Variants in MICAL2 observed in about 807,000 individuals in gnomAD.
MICAL2 encodes the protein microtubule associated monooxygenase, calponin and LIM domain containing 2.
MICAL2 carries 77 observed loss-of-function variants against 127.3 expected under a neutral mutation model. The ratio of observed to expected loss-of-function variants is 0.60; its 90% CI spans 0.50 to 0.73. The LOEUF (loss-of-function observed/expected upper bound fraction) is 0.73. Among genes scored for constraint, MICAL2 ranks in the 30% least tolerant of loss-of-function variants. The pLI, the probability that MICAL2 is intolerant of heterozygous loss-of-function variation, is 0.00. For missense variants in MICAL2, 1,351 were observed against 1,434.4 expected (o/e 0.94, Z 0.94); for synonymous variants, 570 against 551.1 (o/e 1.03, Z -0.48).
upstream of MICAL2, among the ~76,000 whole-genome samples, chr11:12,273,665 AG>A (rs1863696001): frequency 6.6e-6 from 1 of 152,010 alleles, no homozygotes; most frequent in South Asian, 2.1e-4. Flanking sequence ...TGTATCTCCC[AG>A]AGAGAACACA....
chr11:12,261,474 T>C, intron 26 of MICAL2: 1 of 985,522 alleles, frequency 1.0e-6, no homozygotes, highest in Non-Finnish European at 1.2e-6. Context: ...CCACGCTGCC[T>C]AGACATACAC....
chr11:12,270,612 T>C (rs1220368183), intron 24 of MICAL2, among the ~76,000 whole-genome samples: 5 of 152,242 alleles, frequency 3.3e-5, no homozygotes, highest in Non-Finnish European at 7.3e-5. Context: ...GTTCATTTCC[T>C]GTCTGGATGC....
chr11:12,260,174 A>G (rs1038986577), intron 26 of MICAL2: 198 of 1,499,410 alleles, frequency 1.3e-4, no homozygotes, highest in Non-Finnish European at 1.7e-4. Flanking sequence ...CTCCGCTGAC[A>G]TGGCTGGCTG....
intron 5 of MICAL2, 127 bp downstream of exon 5, chr11:12,208,266 G>C (rs1854982543): frequency 2.9e-6 from 2 of 690,280 alleles, no homozygotes; most frequent in East Asian, 5.4e-5. Flanking sequence ...TAATGCCACT[G>C]AAGGGTATTT....
chr11:12,187,527 G>A (rs1858463017), intron 3 of MICAL2, among the ~76,000 whole-genome samples: 1 of 152,160 alleles, frequency 6.6e-6, no homozygotes, highest in Non-Finnish European at 1.5e-5. Flanking sequence ...TTACCACAAG[G>A]ATATGTCACT....
intron 30 of MICAL2, among the ~76,000 whole-genome samples, chr11:12,322,799 T>C (rs558898172): frequency 2.0e-4 from 31 of 152,330 alleles, no homozygotes; most frequent in Non-Finnish European, 3.8e-4. Context: ...TAATTTAAAA[T>C]ATAATAATAT....
rs1565163574 is a variant in MICAL2, at chr11:12,208,019, A to G, written c.473-4A>G. 2 of 1,610,860 alleles carry G rather than the reference A, an allele frequency of 1.2e-6. No homozygotes were observed. Among genetic ancestry groups the G allele is most frequent in the Non-Finnish European group, 1.7e-6 (2 of 1,177,104 alleles). On this transcript the variant is annotated splice_polypyrimidine_tract_variant and splice_region_variant and intron_variant, in intron 4 of 27. Coordinates refer to ENST00000683283, the MANE Select transcript of MICAL2 (RefSeq NM_001282663.2). The stretch of plus-strand genomic sequence containing the variant: ...ACAGTTCCTCTCTCCTTCCTGCCTG[A>G]CAGGTATTCGCCAACTACAGCTCAT...
At chr11:12,250,034 A>C (rs1861331237) in intron 22 of MICAL2, 1 of 152,170 alleles carries the variant, frequency 6.6e-6, no homozygotes, top group African/African-American at 2.4e-5. Flanking sequence ...GATCACTTGG[A>C]AAATGCCTCT....
intron 5 of MICAL2, 120 bp downstream of exon 5, chr11:12,208,259 T>C (rs2134158745): frequency 1.3e-6 from 1 of 756,872 alleles, no homozygotes; most frequent in Non-Finnish European, 2.2e-6. Flanking sequence ...GTTGGCATAA[T>C]GCCACTGAAG....
chr11:12,279,198 G>A (rs1020353537), intron 1 of MICAL2, among the ~76,000 whole-genome samples: 2 of 152,152 alleles, frequency 1.3e-5, no homozygotes, highest in Non-Finnish European at 2.9e-5. Context: ...GGAGGGTTTG[G>A]TTCTCTGCAT....
chr11:12,212,877 A>G (rs1455724213), intron 6 of MICAL2, among the ~76,000 whole-genome samples: 2 of 152,238 alleles, frequency 1.3e-5, no homozygotes, highest in Non-Finnish European at 2.9e-5. Context: ...CGGTGGCACC[A>G]TAAGAAATGC....
intron 32 of MICAL2, among the ~76,000 whole-genome samples, chr11:12,348,014 T>C (rs936064848): frequency 1.2e-4 from 18 of 151,860 alleles, no homozygotes; most frequent in Non-Finnish European, 2.6e-4. Flanking sequence ...CTTAGCTAGG[T>C]GTGGTGGCAC....
downstream of MICAL2, among the ~76,000 whole-genome samples, chr11:12,359,520 A>G (rs1209943537): frequency 6.6e-6 from 1 of 152,162 alleles, no homozygotes; most frequent in East Asian, 1.9e-4. Context: ...AGCAAGGACA[A>G]AACCACTTCT....
downstream of MICAL2, chr11:12,294,525 G>A: frequency 6.2e-7 from 1 of 1,614,112 alleles, no homozygotes; most frequent in Non-Finnish European, 8.5e-7. Flanking sequence ...CCACCCTGCA[G>A]CAAGATTGAA....
intron 3 of MICAL2, 39 bp downstream of exon 3, chr11:12,162,458 T>G: frequency 1.9e-6 from 3 of 1,607,220 alleles, no homozygotes; most frequent in Non-Finnish European, 2.6e-6. Context: ...TTGCAGGGCG[T>G]GTGGGTTGAC....
chr11:12,324,070 G>A, exon 31 of MICAL2: 4 of 1,608,700 alleles, frequency 2.5e-6, no homozygotes, highest in Non-Finnish European at 3.4e-6. Flanking sequence ...ATAAGGCTCA[G>A]GTCAGTAAAT....
chr11:12,283,392 G>A (rs924657607), intron 2 of MICAL2, among the ~76,000 whole-genome samples: 1 of 145,004 alleles, frequency 6.9e-6, no homozygotes, highest in African/African-American at 2.5e-5. Context: ...CATGCTCATA[G>A]AAGCATTATT....
Position 12,254,494 on chromosome 11 carries a change from C to T in MICAL2, c.2848-1149C>T, listed in dbSNP as rs11822456. 9.8e-3 allele frequency: 1,487 copies of T among 152,462 alleles called. 27 individuals are homozygous for T. The highest frequency in any genetic ancestry group is 0.034 in the African/African-American group (1,419 of 41,574). 9.4% of individuals were successfully genotyped at this position (152,462 alleles called of 1,614,324 possible). A position where few individuals can be genotyped will look rare whatever the true frequency, so the allele number is the denominator to read the frequency against. On this transcript the variant is annotated intron_variant, in intron 22 of 27. Transcript: ENST00000683283. ...GGGTGGCCGCAGTCTGGCAGTCTAC[C>T]TTTCTGTCTGAGGGGGCTTGGTTCC...
chr11:12,264,198 G>T (rs537894734), downstream of MICAL2, among the ~76,000 whole-genome samples: 1 of 152,178 alleles, frequency 6.6e-6, no homozygotes, highest in Non-Finnish European at 1.5e-5. Context: ...TTCAGCAAAG[G>T]TTGGTCTGGA....
Sources: allele counts gnomAD v4.1 joint callset (sites outside exome capture counted in the v4.1 genomes callset), GRCh38; gene constraint gnomAD v4.1.1; transcripts MANE v1.5; gene names NCBI Gene and HGNC (gene_info 2026-07-23, HGNC 2026-07-21).